Variants in PEMT observed in about 807,000 individuals in gnomAD.
PEMT encodes phospholipid methyltransferase.
A neutral mutation model predicts 27.4 loss-of-function variants in PEMT; 23 were observed. That is an observed-to-expected ratio of 0.84 (90% confidence interval 0.60 to 1.19). The LOEUF is 1.19. Ranked by LOEUF, PEMT falls within the 50% of genes most tolerant of loss-of-function variation. PEMT has a pLI of 0.00. For synonymous variants in PEMT, 137 were observed against 139.1 expected, an observed-to-expected ratio of 0.98 and a Z score of 0.11; for missense variants, 307 against 310.1, an observed-to-expected ratio of 0.99 and a Z score of 0.07.
At chr17:17,550,227 G>A (rs1909555415) in intron 2 of PEMT, among the ~76,000 whole-genome samples, 1 of 152,184 alleles carries the variant, frequency 6.6e-6, no homozygotes, top group Non-Finnish European at 1.5e-5. Context: ...GTGGTTCTCT[G>A]TCACCCAAAG....
intron 1 of PEMT, among the ~76,000 whole-genome samples, chr17:17,588,868 A>T (rs1199023089): frequency 6.6e-6 from 1 of 152,242 alleles, no homozygotes; most frequent in Non-Finnish European, 1.5e-5. Context: ...CCTGACAGGG[A>T]GGGCAACAAG....
intron 1 of PEMT, among the ~76,000 whole-genome samples, chr17:17,586,216 A>AAAAAAG (rs1912250705): frequency 1.3e-5 from 1 of 79,328 alleles, no homozygotes; most frequent in Non-Finnish European, 2.5e-5. Context: ...GAAAGAAAGA[A>AAAAAAG]AAAGAAAGAA....
At chr17:17,543,486 G>A (rs1253142997) in intron 2 of PEMT, among the ~76,000 whole-genome samples, 7 of 152,336 alleles carry the variant, frequency 4.6e-5, no homozygotes, top group Non-Finnish European at 4.4e-5. Context: ...TGGATCCCGG[G>A]CCCTCTGCCT....
rs1056885008 is a variant in PEMT at position 17,505,659 on chromosome 17, C to T, written c.*132G>A. 1.4e-5 allele frequency: 15 copies of T among 1,051,878 alleles called. No individual in the cohort carries two copies. Among genetic ancestry groups the T allele is most frequent in the Admixed American group, 7.2e-5 (2 of 27,872 alleles). The allele number at this position is 1,051,878 out of a possible 1,614,324, so 65.2% of individuals were successfully genotyped here. The stretch of plus-strand genomic sequence containing the variant: ...TCCAGGGTCCCCAAGGCAGCAGGTT[C>T]CAAGGCACTGGGGCAGCCCACGCCG... On this transcript the variant is annotated 3_prime_UTR_variant, in exon 7 of 7. Transcript: ENST00000255389.
intron 2 of PEMT, among the ~76,000 whole-genome samples, chr17:17,550,952 T>C (rs1909618969): frequency 6.6e-6 from 1 of 152,222 alleles, no homozygotes; most frequent in Non-Finnish European, 1.5e-5. Flanking sequence ...TAAAGGACGT[T>C]ATTCCAGACC....
At chr17:17,539,031 G>C (rs991957322) in intron 2 of PEMT, among the ~76,000 whole-genome samples, 1 of 152,174 alleles carries the variant, frequency 6.6e-6, no homozygotes, top group African/African-American at 2.4e-5. Context: ...GTTTCTTAAA[G>C]ATTAGTATAT....
chr17:17,591,794 CT>C, upstream of PEMT: 1 of 1,424,612 alleles, frequency 7.0e-7, no homozygotes, highest in Non-Finnish European at 9.2e-7. Flanking sequence ...CGAAGTGCCT[CT>C]TTATCTGGGG....
Position 17,517,608 on chromosome 17 carries a change from C to A in PEMT, c.320+4672G>T, listed in dbSNP as rs116095915. Among the ~76,000 whole-genome samples, 843 of 152,356 alleles carry A rather than the reference C, an allele frequency of 5.5e-3. 6 individuals are homozygous for A. Among genetic ancestry groups the A allele is most frequent in the African/African-American group, 0.019 (770 of 41,584 alleles). ...CACCTGTGCCAGCCTCCTCCAGGGC[C>A]ACAGTCCCCAAAGGCCTGGCCTCAG... On this transcript the variant is annotated intron_variant, in intron 3 of 6. Transcript: ENST00000255389.
At chr17:17,510,527 G>A (rs867823456) in intron 4 of PEMT, among the ~76,000 whole-genome samples, 28 of 152,332 alleles carry the variant, frequency 1.8e-4, no homozygotes, top group Middle Eastern at 3.4e-3. Context: ...ACGGGGCAGG[G>A]CCCAGGACCA....
At chr17:17,536,574 G>A (rs79414243) in intron 2 of PEMT, among the ~76,000 whole-genome samples, 42 of 152,330 alleles carry the variant, frequency 2.8e-4, no homozygotes, top group East Asian at 1.7e-3. Context: ...CAGCAGCCCC[G>A]CAAGGAACAG....
intron 3 of PEMT, among the ~76,000 whole-genome samples, chr17:17,515,342 G>T (rs1050962735): frequency 6.6e-6 from 1 of 152,264 alleles, no homozygotes; most frequent in Non-Finnish European, 1.5e-5. Flanking sequence ...CTTGGAAGCA[G>T]ATTCCTGATG....
At chr17:17,563,545 C>T (rs573939538) in intron 2 of PEMT, among the ~76,000 whole-genome samples, 13 of 152,286 alleles carry the variant, frequency 8.5e-5, no homozygotes, top group East Asian at 1.9e-4. Context: ...GCCAGAAAGG[C>T]GACTAAAAAT....
intron 2 of PEMT, among the ~76,000 whole-genome samples, chr17:17,574,675 C>T (rs1567744231): frequency 6.6e-6 from 1 of 152,216 alleles, no homozygotes; most frequent in Non-Finnish European, 1.5e-5. Context: ...AGAACCTTCA[C>T]AATGAACTTC....
chr17:17,553,341 C>T lies in PEMT; in HGVS notation c.204+23579G>A, dbSNP rs142467795. The stretch of plus-strand genomic sequence containing the variant: ...AGAACTTGGCTGCGGGGATGCAGGG[C>T]GCCTGCACACTTCGGACTTTCCCTG... On this transcript the variant is annotated intron_variant, in intron 2 of 6. Coordinates refer to ENST00000255389, the MANE Select transcript of PEMT (RefSeq NM_148172.3). Among the ~76,000 whole-genome samples, 291 of 152,302 alleles carry T rather than the reference C, an allele frequency of 1.9e-3. 1 individual carries two copies. Among genetic ancestry groups the T allele is most frequent in the Non-Finnish European group, 3.6e-3 (247 of 68,018 alleles).
chr17:17,590,070 C>A lies in PEMT; in HGVS notation c.96+1461G>T, dbSNP rs936802132. Among the ~76,000 whole-genome samples, 7 of 151,108 alleles carry A rather than the reference C, an allele frequency of 4.6e-5. No individual in the cohort carries two copies. In the East Asian group the frequency reaches 1.4e-3, roughly 30 times the overall value. ...CCCTTCTACATGGCTCCCCCACCCA[C>A]CCTTCTACACGGTGGCTTCTGAGGG... On this transcript the variant is annotated intron_variant, in intron 1 of 6. Coordinates refer to ENST00000255389, the MANE Select transcript of PEMT (RefSeq NM_148172.3).
intron 2 of PEMT, among the ~76,000 whole-genome samples, chr17:17,566,418 C>A (rs1910831792): frequency 6.6e-6 from 1 of 152,200 alleles, no homozygotes; most frequent in Non-Finnish European, 1.5e-5. Context: ...CAGGCCAGGC[C>A]CGGGACATCC....
At chr17:17,527,308 A>G (rs551268634) in intron 2 of PEMT, among the ~76,000 whole-genome samples, 1 of 152,326 alleles carries the variant, frequency 6.6e-6, no homozygotes, top group South Asian at 2.1e-4. Flanking sequence ...AAGTGCTGGG[A>G]TTACAGGAGT....
chr17:17,570,999 C>A, intron 2 of PEMT: 3 of 751,896 alleles, frequency 4.0e-6, no homozygotes, highest in Non-Finnish European at 4.9e-6. Context: ...CCACGTAGGG[C>A]CACAGTGCCT....
chr17:17,512,536 C>G lies in PEMT; in HGVS notation c.439G>C (p.Ala147Pro). Reference sequence around the variant, plus strand: ...AGGAAAGTTCCAGCGAACCCCAGTGCAAAGAAGCTGGAGAGCACGAGCACG... The same window carrying G: ...AGGAAAGTTCCAGCGAACCCCAGTGGAAAGAAGCTGGAGAGCACGAGCACG... Reference protein sequence around the residue: ...GVVLVLSSFFALGFAGTFLGD... With the variant: ...GVVLVLSSFFPLGFAGTFLGD... The change falls in exon 4 of 7, where the codon GCA (alanine) becomes CCA (proline). Residue 147 changes from alanine (A) to proline (P), a missense_variant. By Grantham distance (27) the Ala-to-Pro change is conservative. Transcript: ENST00000255389. The surrounding 1 kb of genome is among the most constrained non-coding windows in gnomAD (Gnocchi z 6.3). 1 of 1,605,880 alleles carries G rather than the reference C, an allele frequency of 6.2e-7. No individual in the cohort carries two copies. The highest frequency in any genetic ancestry group is 8.5e-7 in the Non-Finnish European group (1 of 1,175,866).
Sources: allele counts gnomAD v4.1 joint callset (sites outside exome capture counted in the v4.1 genomes callset), GRCh38; gene constraint gnomAD v4.1.1; non-coding constraint Gnocchi (gnomAD v3.1); transcripts MANE v1.5; gene names NCBI Gene and HGNC (gene_info 2026-07-23, HGNC 2026-07-21).